The following ATF7IP2 variants were observed in gnomAD, a reference collection of about 807,000 sequenced individuals.
The protein encoded by ATF7IP2 is activating transcription factor 7-interacting protein 2.
Under a neutral mutation model 64.2 loss-of-function variants are expected in ATF7IP2, and 42 were observed. The observed-to-expected ratio is 0.65, with a 90% CI of 0.51 to 0.85. The LOEUF (loss-of-function observed/expected upper bound fraction) is 0.85. ATF7IP2 is among the 40% of genes least tolerant of loss of function. The pLI is 0.00. For missense variants in ATF7IP2, 933 were observed against 784.2 expected, an observed-to-expected ratio of 1.19 and a Z score of -2.27; for synonymous variants, 308 against 272.8, an observed-to-expected ratio of 1.13 and a Z score of -1.27.
intron 7 of ATF7IP2, among the ~76,000 whole-genome samples, chr16:10,438,618 G>A (rs973935817): frequency 7.2e-5 from 11 of 152,092 alleles, no homozygotes; most frequent in Admixed American, 6.6e-4. Context: ...AAAACAATAA[G>A]GGAAGACATA....
At chr16:10,427,341 T>C (rs892305960) in intron 3 of ATF7IP2, among the ~76,000 whole-genome samples, 1 of 152,220 alleles carries the variant, frequency 6.6e-6, no homozygotes, top group Admixed American at 6.5e-5. Context: ...TTTATCCAAG[T>C]AGATTGGCTA....
chr16:10,423,514 T>A (rs1380164352), intron 3 of ATF7IP2, among the ~76,000 whole-genome samples: 1 of 152,192 alleles, frequency 6.6e-6, no homozygotes, highest in Non-Finnish European at 1.5e-5. Flanking sequence ...CTTGCTGAAT[T>A]CCTGCCTGAA....
chr16:10,465,914 T>C (rs938361897), intron 9 of ATF7IP2, among the ~76,000 whole-genome samples: 1 of 152,150 alleles, frequency 6.6e-6, no homozygotes, highest in Non-Finnish European at 1.5e-5. Context: ...TTTTAAAATA[T>C]AGTTGACATG....
intron 9 of ATF7IP2, among the ~76,000 whole-genome samples, chr16:10,465,394 A>G (rs866475954): frequency 3.2e-4 from 49 of 152,080 alleles, no homozygotes; most frequent in Middle Eastern, 3.4e-3. Flanking sequence ...TGTTAGTCAC[A>G]CTCAGGCTTC....
chr16:10,388,377 A>G (rs140049760), intron 1 of ATF7IP2, among the ~76,000 whole-genome samples: 2 of 152,328 alleles, frequency 1.3e-5, no homozygotes, highest in African/African-American at 4.8e-5. Flanking sequence ...TGATTAAGCC[A>G]TGAAATGTTT....
chr16:10,448,440 A>G (rs903996643), intron 8 of ATF7IP2: 1 of 151,970 alleles, frequency 6.6e-6, no homozygotes, highest in African/African-American at 2.4e-5. Flanking sequence ...GGCCTCTCTT[A>G]TTTCCTTGAG....
chr16:10,396,922 C>T (rs937120683), intron 1 of ATF7IP2, among the ~76,000 whole-genome samples: 5 of 152,092 alleles, frequency 3.3e-5, no homozygotes, highest in Non-Finnish European at 7.4e-5. Flanking sequence ...CTGCTTTGAC[C>T]TCCCAAAGTG....
chr16:10,460,880 C>T (rs1292302750), intron 9 of ATF7IP2, among the ~76,000 whole-genome samples: 2 of 152,028 alleles, frequency 1.3e-5, no homozygotes, highest in Non-Finnish European at 2.9e-5. Context: ...TCAAAAGGCA[C>T]TATAAAGATA....
intron 1 of ATF7IP2, among the ~76,000 whole-genome samples, chr16:10,393,302 T>G (rs2047363138): frequency 1.9e-5 from 2 of 107,424 alleles, no homozygotes; most frequent in African/African-American, 8.0e-5. Context: ...GGTGACAGAG[T>G]GAGACTCTGT....
At position 10,482,133 on chromosome 16, in the gene ATF7IP2, C is replaced by G; in HGVS notation, c.1933C>G (p.Gln645Glu). ...LPLPMACTLSQFLASNRYYFT... is the reference protein window; with the variant it reads ...LPLPMACTLSEFLASNRYYFT... ...ACTCCCCATGGCCTGTACTTTATCT[C>G]AGTTTTTAGCTTCCAACAGATACTA... Residue 645 changes from glutamine (Q) to glutamate (E), a missense_variant, in exon 14 of 14, where the codon CAG becomes GAG. Physicochemically the swap from Gln to Glu is conservative, Grantham distance 29. Coordinates refer to ENST00000562102, the MANE Select transcript of ATF7IP2 (RefSeq NM_001393719.1). 6.2e-7 allele frequency: 1 copy of G among 1,613,954 alleles called. No homozygotes were observed. Among genetic ancestry groups the G allele is most frequent in the Non-Finnish European group, 8.5e-7 (1 of 1,179,830 alleles).
rs113964437 is a variant in ATF7IP2, at chr16:10,416,613, C to A, written c.-203+2001C>A. Among the ~76,000 whole-genome samples the A allele has an allele frequency of 1.5e-3, 228 of 152,146 alleles. 1 individual carries two copies. Among genetic ancestry groups the A allele is most frequent in the African/African-American group, 5.1e-3 (211 of 41,512 alleles). ...TTCAAGACCAGCCTGGCCAACATGG[C>A]GAAACTGCCTCTCTACTAAAAAACA... On this transcript the variant is annotated intron_variant, in intron 2 of 13. Transcript: ENST00000562102.
chr16:10,462,587 A>C (rs1329539987), intron 9 of ATF7IP2, among the ~76,000 whole-genome samples: 2 of 152,050 alleles, frequency 1.3e-5, no homozygotes, highest in African/African-American at 4.8e-5. Flanking sequence ...TGCTTTTTCA[A>C]AGATAAGTCT....
intron 1 of ATF7IP2, among the ~76,000 whole-genome samples, chr16:10,400,982 A>G (rs899297526): frequency 6.6e-6 from 1 of 152,046 alleles, no homozygotes; most frequent in African/African-American, 2.4e-5. Flanking sequence ...GAATATAGGT[A>G]TGAGCCACCC....
intron 7 of ATF7IP2, among the ~76,000 whole-genome samples, chr16:10,439,434 C>T (rs983223328): frequency 7.3e-5 from 11 of 151,342 alleles, no homozygotes; most frequent in African/African-American, 2.7e-4. Flanking sequence ...ACGGGTTTCA[C>T]TGTATTAGCG....
intron 12 of ATF7IP2, among the ~76,000 whole-genome samples, chr16:10,480,231 C>A (rs1158297131): frequency 6.6e-6 from 1 of 151,972 alleles, no homozygotes; most frequent in Non-Finnish European, 1.5e-5. Flanking sequence ...AAGTCATCTG[C>A]GTCCTAAAGT....
At position 10,457,470 on chromosome 16, in the gene ATF7IP2, C is replaced by T. The variant is rs753480948; in HGVS notation, c.1293C>T (p.Ser431=). The T allele has an allele frequency of 1.2e-5, 19 of 1,593,022 alleles. No homozygotes were observed. The highest frequency in any genetic ancestry group is 8.1e-5 in the African/African-American group (6 of 73,724). ...SSVNYEPSNP[S]EKGSKKINLS... ...TGAATTATGAGCCTTCTAACCCTTC[C>T]GAAAAAGGAAGTAAAAAAATTAATT... Residue 431 remains serine (S), a synonymous_variant, in exon 9 of 14, where the codon TCC becomes TCT. Coordinates refer to ENST00000562102, the MANE Select transcript of ATF7IP2 (RefSeq NM_001393719.1).
At chr16:10,479,922 G>C (rs1356805268) in intron 12 of ATF7IP2, among the ~76,000 whole-genome samples, 2 of 141,062 alleles carry the variant, frequency 1.4e-5, no homozygotes, top group Non-Finnish European at 3.0e-5. Flanking sequence ...GTAGAAAACA[G>C]TCTGGTGATT....
At position 10,413,122 on chromosome 16, in the gene ATF7IP2, T is replaced by A. The variant is rs941429389; in HGVS notation, c.-241-1452T>A. ...GTGAATTCGTATCCATTCTGCAAATTCATGTCTTTTAAGTGGAGCATTTAG... is the reference window on the plus strand; with the variant it reads ...GTGAATTCGTATCCATTCTGCAAATACATGTCTTTTAAGTGGAGCATTTAG... On this transcript the variant is annotated intron_variant, in intron 1 of 13. Transcript: ENST00000562102. Among the ~76,000 whole-genome samples, 4 of 152,242 alleles carry A rather than the reference T, an allele frequency of 2.6e-5. No individual in the cohort carries two copies. The East Asian group carries it at 7.7e-4, about 29-fold the overall frequency.
intron 1 of ATF7IP2, among the ~76,000 whole-genome samples, chr16:10,394,421 A>T (rs1439752073): frequency 6.6e-6 from 1 of 152,248 alleles, no homozygotes; most frequent in Non-Finnish European, 1.5e-5. Flanking sequence ...AGAAATGCAC[A>T]GTTCAGTAAT....
Sources: allele counts gnomAD v4.1 joint callset (sites outside exome capture counted in the v4.1 genomes callset), GRCh38; gene constraint gnomAD v4.1.1; transcripts MANE v1.5; gene names NCBI Gene and HGNC (gene_info 2026-07-23, HGNC 2026-07-21).